DPP6: variants seen among roughly 807,000 people sequenced by gnomAD.
DPP6 encodes the protein dipeptidyl peptidase like 6.
A neutral mutation model predicts 122.6 loss-of-function variants in DPP6; 69 were observed. The observed-to-expected ratio is 0.56, with a 90% CI of 0.46 to 0.69. The LOEUF is 0.69. DPP6 is among the 30% of genes least tolerant of loss of function. DPP6 has a pLI of 0.00. For missense variants in DPP6, 928 were observed against 1,116.9 expected, an observed-to-expected ratio of 0.83 and a Z score of 2.41; for synonymous variants, 418 against 433.1, an observed-to-expected ratio of 0.97 and a Z score of 0.43.
chr7:153,768,433 C>T, the DPP6 span, among the ~76,000 whole-genome samples: 2 of 152,064 alleles, frequency 1.3e-5, no homozygotes, highest in Non-Finnish European at 2.9e-5. Flanking sequence ...TATGTCTGTT[C>T]GTTCACATGT....
chr7:153,920,908 A>G (rs914730243), intron 1 of DPP6, among the ~76,000 whole-genome samples: 7 of 152,164 alleles, frequency 4.6e-5, no homozygotes, highest in Non-Finnish European at 1.0e-4. Flanking sequence ...CAATTTCACT[A>G]TCATCATGCA....
chr7:154,374,318 G>C (rs1812928192), intron 1 of DPP6, among the ~76,000 whole-genome samples: 1 of 152,226 alleles, frequency 6.6e-6, no homozygotes, highest in Non-Finnish European at 1.5e-5. Context: ...AGCTAGCAAG[G>C]GGGAGAGGTC....
Position 154,717,402 on chromosome 7 carries a change from G to A in DPP6, c.763-10365G>A, listed in dbSNP as rs113457215. On this transcript the variant is annotated intron_variant, in intron 7 of 25. Transcript: ENST00000377770. ...CACAAACACACACACACACACACAC[G>A]CACCCTTCCCAGCACCTTCCCAGCA... Among the ~76,000 whole-genome samples the A allele has an allele frequency of 3.9e-3, 579 of 150,276 alleles. 4 individuals are homozygous for A. Among genetic ancestry groups the A allele is most frequent in the African/African-American group, 0.013 (528 of 40,510 alleles).
intron 3 of DPP6, among the ~76,000 whole-genome samples, chr7:154,525,415 C>T (rs1827326839): frequency 6.6e-6 from 1 of 152,216 alleles, no homozygotes; most frequent in Admixed American, 6.5e-5. Context: ...ACCTTGGCCT[C>T]CCAAAGTGCT....
chr7:154,341,324 G>A (rs549459991), intron 1 of DPP6, among the ~76,000 whole-genome samples: 156 of 152,234 alleles, frequency 1.0e-3, no homozygotes, highest in African/African-American at 3.6e-3. Context: ...TGACATCTGC[G>A]GTGGCTGTGG....
At chr7:154,417,298 G>T (rs576474335) in intron 1 of DPP6, among the ~76,000 whole-genome samples, 3 of 152,272 alleles carry the variant, frequency 2.0e-5, no homozygotes, top group African/African-American at 7.2e-5. Flanking sequence ...AACTCTCCCA[G>T]AAATCTTAAA....
At chr7:154,235,524 TA>T (rs1358147640) in intron 1 of DPP6, among the ~76,000 whole-genome samples, 8 of 147,240 alleles carry the variant, frequency 5.4e-5, no homozygotes, top group Non-Finnish European at 1.0e-4. Context: ...CTCTAAGTGA[TA>T]ATTAAAAGCG....
Position 154,875,847 on chromosome 7 carries a change from C to A in DPP6, c.1884-59C>A, listed in dbSNP as rs1260612745. ...CGGGGGTCATCTGACGTGGCAGCTGCTAGACCAGCCGCCACCCACCACGCA... is the reference window on the plus strand; with the variant it reads ...CGGGGGTCATCTGACGTGGCAGCTGATAGACCAGCCGCCACCCACCACGCA... On this transcript the variant is annotated intron_variant, in intron 19 of 25. Coordinates refer to ENST00000377770, the MANE Select transcript of DPP6 (RefSeq NM_130797.4). The surrounding 1 kb of genome is among the most constrained non-coding windows in gnomAD (Gnocchi z 4.5). 6.4e-7 allele frequency: 1 copy of A among 1,556,246 alleles called. No individual in the cohort carries two copies. Among genetic ancestry groups the A allele is most frequent in the Non-Finnish European group, 8.7e-7 (1 of 1,152,330 alleles).
At chr7:154,076,150 AT>A (rs925462150) in intron 1 of DPP6, among the ~76,000 whole-genome samples, 33 of 151,620 alleles carry the variant, frequency 2.2e-4, no homozygotes, top group East Asian at 1.8e-3. Flanking sequence ...GGTTTAAAAT[AT>A]TTTTTTTTAA....
At chr7:154,099,239 CTT>C (rs1805565494) in intron 1 of DPP6, among the ~76,000 whole-genome samples, 1 of 152,144 alleles carries the variant, frequency 6.6e-6, no homozygotes, top group Non-Finnish European at 1.5e-5. Context: ...AAATTGAAGA[CTT>C]TCCTAATAAT....
At chr7:154,251,839 C>A (rs2150897120) in intron 1 of DPP6, among the ~76,000 whole-genome samples, 1 of 152,286 alleles carries the variant, frequency 6.6e-6, no homozygotes, top group Admixed American at 6.5e-5. Context: ...CAATGGTGCC[C>A]ACCCACATTG....
At chr7:154,744,370 CT>C (rs1291639583) in intron 8 of DPP6, among the ~76,000 whole-genome samples, 1 of 152,246 alleles carries the variant, frequency 6.6e-6, no homozygotes, top group African/African-American at 2.4e-5. Context: ...AAAACCCAAA[CT>C]TCATCTCTTC....
chr7:154,228,644 G>A (rs1253730214), intron 1 of DPP6, among the ~76,000 whole-genome samples: 1 of 152,072 alleles, frequency 6.6e-6, no homozygotes, highest in Non-Finnish European at 1.5e-5. Context: ...AGGAGAATCT[G>A]AATTAGCATT....
At chr7:154,638,934 C>T (rs146000451) in intron 6 of DPP6, among the ~76,000 whole-genome samples, 3 of 152,216 alleles carry the variant, frequency 2.0e-5, no homozygotes, top group Admixed American at 6.5e-5. Flanking sequence ...GTGAGGTGCT[C>T]AGGAAAGGTT....
chr7:154,523,599 TA>T (rs1330481336), intron 3 of DPP6, among the ~76,000 whole-genome samples: 1 of 152,238 alleles, frequency 6.6e-6, no homozygotes, highest in Non-Finnish European at 1.5e-5. Context: ...TGGATCAAAT[TA>T]AAAATCATAA....
At chr7:153,761,983 G>T in the DPP6 span, among the ~76,000 whole-genome samples, 1 of 152,164 alleles carries the variant, frequency 6.6e-6, no homozygotes, top group Non-Finnish European at 1.5e-5. Context: ...GTGTGGTTTA[G>T]GTAGGAAAGG....
intron 1 of DPP6, among the ~76,000 whole-genome samples, chr7:154,112,269 T>G (rs1806646197): frequency 1.3e-5 from 2 of 151,990 alleles, no homozygotes; most frequent in Non-Finnish European, 2.9e-5. Context: ...ATCTACTGTA[T>G]TTAGATCAAC....
intron 5 of DPP6, among the ~76,000 whole-genome samples, chr7:154,585,000 C>A (rs1832344187): frequency 6.6e-6 from 1 of 152,124 alleles, no homozygotes; most frequent in African/African-American, 2.4e-5. Flanking sequence ...CTTTTGTAAC[C>A]ATCACCACAA....
At chr7:153,863,850 T>A in the DPP6 span, among the ~76,000 whole-genome samples, 4 of 152,200 alleles carry the variant, frequency 2.6e-5, no homozygotes, top group African/African-American at 7.2e-5. Context: ...ATGACTGGCT[T>A]CTTTCATTTA....
Sources: allele counts gnomAD v4.1 joint callset (sites outside exome capture counted in the v4.1 genomes callset), GRCh38; gene constraint gnomAD v4.1.1; non-coding constraint Gnocchi (gnomAD v3.1); transcripts MANE v1.5; gene names NCBI Gene and HGNC (gene_info 2026-07-23, HGNC 2026-07-21).